Variants in NEBL observed in about 807,000 individuals in gnomAD.
NEBL encodes the protein LIM and SH3 protein 2.
In NEBL, 122 loss-of-function variants were observed where a neutral mutation model predicts 140.2. The ratio of observed to expected loss-of-function variants is 0.87; its 90% CI spans 0.75 to 1.01. The LOEUF is 1.01. Among genes scored for constraint, NEBL ranks in the 50% least tolerant of loss-of-function variants. The pLI, the probability that NEBL is intolerant of heterozygous loss-of-function variation, is 0.00. For synonymous variants in NEBL, 436 were observed against 398.9 expected (o/e 1.09, Z -1.11); for missense variants, 1,365 against 1,231.3 (o/e 1.11, Z -1.62).
intron 3 of NEBL, among the ~76,000 whole-genome samples, chr10:21,004,097 G>A (rs925995440): frequency 1.3e-5 from 2 of 152,224 alleles, no homozygotes; most frequent in African/African-American, 4.8e-5. Context: ...GTATATTAAA[G>A]ACATTTGAAT....
At chr10:21,126,242 C>T in intron 2 of NEBL, 1 of 972,740 alleles carries the variant, frequency 1.0e-6, no homozygotes, top group Non-Finnish European at 1.5e-6. Flanking sequence ...AGAACCAATC[C>T]ATCTTCAAAA....
intron 2 of NEBL, among the ~76,000 whole-genome samples, chr10:21,142,998 G>GGTGT (rs147399252): frequency 2.6e-5 from 4 of 151,290 alleles, no homozygotes; most frequent in Non-Finnish European, 5.9e-5. Flanking sequence ...GTGTGTGTGG[G>GGTGT]GTGTGTGTGT....
intron 26 of NEBL, among the ~76,000 whole-genome samples, chr10:20,803,807 C>CAA (rs1564338173): frequency 7.8e-4 from 70 of 89,696 alleles, no homozygotes; most frequent in African/African-American, 3.7e-3. Context: ...TCCTTCTGTA[C>CAA]GAAAAATATA....
chr10:21,091,897 G>C (rs1462985035), intron 2 of NEBL, among the ~76,000 whole-genome samples: 2 of 152,186 alleles, frequency 1.3e-5, no homozygotes. Context: ...CTCTCAAAAT[G>C]CTGGGATTAC....
At chr10:21,233,321 T>C (rs1383955096) in intron 3 of NEBL, among the ~76,000 whole-genome samples, 6 of 152,116 alleles carry the variant, frequency 3.9e-5, no homozygotes, top group African/African-American at 7.2e-5. Flanking sequence ...GTGCAGGGAT[T>C]ACAGGCATGA....
At chr10:20,820,531 G>A (rs1839196340) in intron 19 of NEBL, among the ~76,000 whole-genome samples, 1 of 152,170 alleles carries the variant, frequency 6.6e-6, no homozygotes, top group Non-Finnish European at 1.5e-5. Context: ...GCCTGCTGAT[G>A]AAACAGACTT....
intron 3 of NEBL, among the ~76,000 whole-genome samples, chr10:21,237,329 C>G (rs562879766): frequency 7.8e-4 from 115 of 147,794 alleles, no homozygotes; most frequent in African/African-American, 2.8e-3. Flanking sequence ...CTCAGCCTCC[C>G]GAGTAGCTAA....
chr10:21,278,177 A>G (rs1400239241), intron 1 of NEBL, among the ~76,000 whole-genome samples: 1 of 152,200 alleles, frequency 6.6e-6, no homozygotes, highest in African/African-American at 2.4e-5. Flanking sequence ...ATGGTGGTGC[A>G]CACATGCAGT....
chr10:21,133,314 A>G (rs887266481), intron 2 of NEBL, among the ~76,000 whole-genome samples: 1 of 152,216 alleles, frequency 6.6e-6, no homozygotes, highest in African/African-American at 2.4e-5. Flanking sequence ...TAGTTAAATC[A>G]CGAAAGGGAA....
At chr10:20,800,808 G>A (rs145475198) in intron 26 of NEBL, among the ~76,000 whole-genome samples, 66 of 151,858 alleles carry the variant, frequency 4.3e-4, no homozygotes, top group African/African-American at 1.5e-3. Context: ...TCAATTTCTT[G>A]GTAAAAATCT....
chr10:21,283,272 A>T (rs1161760396), intron 1 of NEBL, among the ~76,000 whole-genome samples: 1 of 152,212 alleles, frequency 6.6e-6, no homozygotes, highest in Non-Finnish European at 1.5e-5. Context: ...AATAAATGCC[A>T]TGGCAACAAC....
chr10:20,869,680 G>T, intron 6 of NEBL, 60 bp downstream of exon 6: 3 of 1,147,676 alleles, frequency 2.6e-6, no homozygotes, highest in Non-Finnish European at 4.0e-6. Context: ...CTGAAGCTAT[G>T]CTTTGCCTCC....
At chr10:20,934,696 C>T (rs1311378131) in intron 4 of NEBL, among the ~76,000 whole-genome samples, 1 of 152,120 alleles carries the variant, frequency 6.6e-6, no homozygotes, top group Non-Finnish European at 1.5e-5. Context: ...CCTTTTAAGC[C>T]CCCTCTCTGC....
intron 3 of NEBL, among the ~76,000 whole-genome samples, chr10:21,180,944 C>A (rs1208857408): frequency 6.6e-6 from 1 of 152,002 alleles, no homozygotes; most frequent in Non-Finnish European, 1.5e-5. Flanking sequence ...GGGACCTCTG[C>A]ACTGTATTTT....
Position 21,173,111 on chromosome 10 carries a change from GC to G in NEBL, c.70-635del, listed in dbSNP as rs1841154738. On this transcript the variant is annotated intron_variant, in intron 1 of 6. Coordinates refer to the NEBL transcript ENST00000417816. This position sits in a 1 kb window ranked among gnomAD's most constrained non-coding sequence, Gnocchi z 5.7. Reference sequence around the variant, plus strand: ...TCGCTCCTGGGTGTCTCTCTCCCGGGCTGTTCATCTCCGTCCCTGCCCGGGA... The same window carrying G: ...TCGCTCCTGGGTGTCTCTCTCCCGGGTGTTCATCTCCGTCCCTGCCCGGGA... Among the ~76,000 whole-genome samples, 1 of 152,156 alleles carries G rather than the reference GC, an allele frequency of 6.6e-6. No individual in the cohort carries two copies. The highest frequency in any genetic ancestry group is 1.5e-5 in the Non-Finnish European group (1 of 68,028).
At position 20,872,490 on chromosome 10, in the gene NEBL, T is replaced by A. The variant is rs543252976; in HGVS notation, c.481-2649A>T. Among the ~76,000 whole-genome samples, 481 of 152,240 alleles carry A rather than the reference T, an allele frequency of 3.2e-3. 2 individuals carry two copies. The highest frequency in any genetic ancestry group is 9.4e-3 in the African/African-American group (390 of 41,546). On this transcript the variant is annotated intron_variant, in intron 5 of 27. Coordinates refer to ENST00000377122, the MANE Select transcript of NEBL (RefSeq NM_006393.3). ...TCTGAATATATATGGAATGGCAACA[T>A]GGCTTCTCACACAGATTCCTACACG...
intron 3 of NEBL, among the ~76,000 whole-genome samples, chr10:21,190,517 C>T (rs1171448721): frequency 6.6e-6 from 1 of 152,070 alleles, no homozygotes; most frequent in African/African-American, 2.4e-5. Flanking sequence ...CATCCTGGAT[C>T]TGGTACATCT....
intron 3 of NEBL, among the ~76,000 whole-genome samples, chr10:21,214,359 T>C (rs1841957367): frequency 6.6e-6 from 1 of 151,952 alleles, no homozygotes; most frequent in Non-Finnish European, 1.5e-5. Flanking sequence ...TATGCATTTG[T>C]GCTAAGGGAA....
intron 4 of NEBL, among the ~76,000 whole-genome samples, chr10:20,941,671 A>G (rs563864137): frequency 6.6e-6 from 1 of 151,634 alleles, no homozygotes; most frequent in Non-Finnish European, 1.5e-5. Context: ...ACATGATTGT[A>G]TATCTAGAAA....
Sources: gnomAD v4.1 joint callset for allele counts (sites outside exome capture counted in the v4.1 genomes callset) on GRCh38, gnomAD v4.1.1 for gene constraint, Gnocchi (gnomAD v3.1) non-coding constraint, MANE v1.5 for transcripts, NCBI Gene and HGNC (gene_info 2026-07-23, HGNC 2026-07-21) for gene names.